RBFOX1: variants seen among roughly 807,000 people sequenced by gnomAD.
RBFOX1 encodes RNA binding fox-1 homolog 1.
Under a neutral mutation model 57.7 loss-of-function variants are expected in RBFOX1, and 8 were observed. The observed-to-expected ratio is 0.14, with a 90% CI of 0.08 to 0.25. The LOEUF is 0.25. Ranked by LOEUF, RBFOX1 falls within the 10% of genes least tolerant of loss-of-function variation. The pLI is 1.00. For synonymous variants in RBFOX1, 326 were observed against 222.4 expected, an observed-to-expected ratio of 1.47 and a Z score of -4.15; for missense variants, 611 against 548.5, an observed-to-expected ratio of 1.11 and a Z score of -1.14.
intron 12 of RBFOX1, among the ~76,000 whole-genome samples, chr16:7,658,927 A>G (rs1259537555): frequency 6.6e-6 from 1 of 152,076 alleles, no homozygotes; most frequent in East Asian, 1.9e-4. Context: ...GTTTCACCAT[A>G]TTGGCCAGGC....
chr16:6,881,045 C>A (rs1181767378), intron 3 of RBFOX1, among the ~76,000 whole-genome samples: 1 of 152,184 alleles, frequency 6.6e-6, no homozygotes, highest in Non-Finnish European at 1.5e-5. Flanking sequence ...CCCTCCTATG[C>A]CTGTGGCAGA....
chr16:5,966,828 A>G (rs1329644067), intron 4 of RBFOX1, among the ~76,000 whole-genome samples: 1 of 151,696 alleles, frequency 6.6e-6, no homozygotes, highest in Admixed American at 6.6e-5. Context: ...GCAGATCCAA[A>G]CCATATCAGC....
chr16:7,105,470 C>G (rs891166125), intron 4 of RBFOX1, among the ~76,000 whole-genome samples: 2 of 152,068 alleles, frequency 1.3e-5, no homozygotes, highest in Non-Finnish European at 2.9e-5. Context: ...TCTTTTATCC[C>G]TTACTGCACT....
chr16:5,951,839 A>C (rs900789520), intron 4 of RBFOX1, among the ~76,000 whole-genome samples: 2 of 151,558 alleles, frequency 1.3e-5, no homozygotes, highest in Non-Finnish European at 2.9e-5. Context: ...CATTTTCCAA[A>C]AGTAGTGTGT....
intron 3 of RBFOX1, among the ~76,000 whole-genome samples, chr16:6,779,442 T>C (rs1474518768): frequency 1.3e-5 from 2 of 151,870 alleles, no homozygotes; most frequent in Non-Finnish European, 2.9e-5. Context: ...GTTGATTTCA[T>C]AACTTGGCTG....
chr16:6,211,909 G>T (rs1359815155), intron 1 of RBFOX1, among the ~76,000 whole-genome samples: 4 of 151,510 alleles, frequency 2.6e-5, no homozygotes, highest in Non-Finnish European at 5.9e-5. Flanking sequence ...GAGTGAAGTG[G>T]CATGGTCTCA....
chr16:6,785,204 AAGG>A (rs2081726904), intron 3 of RBFOX1, among the ~76,000 whole-genome samples: 1 of 152,180 alleles, frequency 6.6e-6, no homozygotes, highest in Admixed American at 6.5e-5. Context: ...AAAAATGACA[AAGG>A]AGAGAATTTG....
At chr16:7,096,931 CAAAAAAAA>C (rs59519427) in intron 4 of RBFOX1, among the ~76,000 whole-genome samples, 11 of 69,116 alleles carry the variant, frequency 1.6e-4, no homozygotes, top group African/African-American at 5.7e-4. Flanking sequence ...GACTCCATCT[CAAAAAAAA>C]AAAAAAAAAA....
chr16:6,499,053 C>T (rs2095848989), intron 2 of RBFOX1, among the ~76,000 whole-genome samples: 1 of 152,218 alleles, frequency 6.6e-6, no homozygotes, highest in African/African-American at 2.4e-5. Flanking sequence ...TAACTTATGT[C>T]ACCAGTTGGC....
At chr16:6,524,646 C>T (rs944626679) in intron 2 of RBFOX1, among the ~76,000 whole-genome samples, 1 of 152,176 alleles carries the variant, frequency 6.6e-6, no homozygotes, top group Non-Finnish European at 1.5e-5. Context: ...GCACAGACTT[C>T]TCTCACATTT....
chr16:6,105,592 A>G (rs1221887894), intron 1 of RBFOX1, among the ~76,000 whole-genome samples: 5 of 152,120 alleles, frequency 3.3e-5, no homozygotes, highest in African/African-American at 9.6e-5. Flanking sequence ...GGTTATTTTC[A>G]TGGACACTAC....
intron 3 of RBFOX1, among the ~76,000 whole-genome samples, chr16:5,779,100 A>T (rs1303001724): frequency 1.3e-5 from 2 of 152,184 alleles, no homozygotes; most frequent in African/African-American, 4.8e-5. Context: ...AGTGATCATG[A>T]ACTCAAAATA....
intron 3 of RBFOX1, among the ~76,000 whole-genome samples, chr16:5,796,698 C>T (rs960542674): frequency 2.0e-5 from 3 of 152,204 alleles, no homozygotes; most frequent in Non-Finnish European, 2.9e-5. Flanking sequence ...CGGATGAAGA[C>T]ACTGAGGCAC....
intron 3 of RBFOX1, among the ~76,000 whole-genome samples, chr16:6,813,663 T>G (rs1294891892): frequency 1.3e-5 from 2 of 152,168 alleles, no homozygotes; most frequent in Non-Finnish European, 2.9e-5. Context: ...CCTTTTCATT[T>G]TGAATTTCTT....
At chr16:7,428,052 T>C (rs1415766276) in intron 4 of RBFOX1, among the ~76,000 whole-genome samples, 1 of 152,202 alleles carries the variant, frequency 6.6e-6, no homozygotes, top group Non-Finnish European at 1.5e-5. Context: ...TACCTGTCTT[T>C]TAAGTTGTGG....
At chr16:5,365,946 G>A in intron 1 of RBFOX1, 1 of 494,308 alleles carries the variant, frequency 2.0e-6, no homozygotes, top group Middle Eastern at 7.2e-4. Flanking sequence ...CAGTTTAGGG[G>A]CTGGTGTGAA....
intron 2 of RBFOX1, among the ~76,000 whole-genome samples, chr16:5,550,233 G>T (rs1277482842): frequency 6.6e-6 from 1 of 152,176 alleles, no homozygotes; most frequent in African/African-American, 2.4e-5. Flanking sequence ...TGTAGGGTAG[G>T]ACTGAACTGT....
At position 7,647,298 on chromosome 16, in the gene RBFOX1, G is replaced by A. The variant is rs111324401; in HGVS notation, c.758-6517G>A. ...CTCTGAAAGCTCTTGCCTGTTTTGA[G>A]AGAAATTCATTTTTAGCTTATGAGC... On this transcript the variant is annotated intron_variant, in intron 11 of 15. Transcript: ENST00000550418. 1.2e-3 allele frequency among the ~76,000 whole-genome samples: 184 copies of A among 152,270 alleles called. 2 individuals are homozygous for A. Among genetic ancestry groups the A allele is most frequent in the Middle Eastern group, 0.01 (3 of 294 alleles).
intron 3 of RBFOX1, among the ~76,000 whole-genome samples, chr16:6,740,802 A>G (rs2071825866): frequency 6.6e-6 from 1 of 152,216 alleles, no homozygotes; most frequent in African/African-American, 2.4e-5. Context: ...GCTCAAATTG[A>G]TACACAGAGG....
Sources: allele counts gnomAD v4.1 joint callset (sites outside exome capture counted in the v4.1 genomes callset), GRCh38; gene constraint gnomAD v4.1.1; transcripts MANE v1.5; gene names NCBI Gene and HGNC (gene_info 2026-07-23, HGNC 2026-07-21).